Variants in RASEF observed in about 807,000 individuals in gnomAD.
RASEF encodes RAS and EF-hand domain containing.
In RASEF, 68 loss-of-function variants were observed where a neutral mutation model predicts 90.1. The observed-to-expected ratio is 0.75, with a 90% CI of 0.62 to 0.92. The LOEUF (loss-of-function observed/expected upper bound fraction) is 0.92, where lower values mean the gene tolerates loss of function less well. Among genes scored for constraint, RASEF ranks in the 40% least tolerant of loss-of-function variants. The pLI is 0.00. For missense variants in RASEF, 949 were observed against 937.2 expected (o/e 1.01, Z -0.16); for synonymous variants, 331 against 345.2 (o/e 0.96, Z 0.46).
At chr9:83,039,923 T>C (rs990955552) in intron 1 of RASEF, among the ~76,000 whole-genome samples, 1 of 152,156 alleles carries the variant, frequency 6.6e-6, no homozygotes, top group Non-Finnish European at 1.5e-5. Flanking sequence ...AATCTCATCT[T>C]AACTGTAGCT....
the RASEF span, among the ~76,000 whole-genome samples, chr9:83,149,664 A>C: frequency 6.6e-6 from 1 of 152,148 alleles, no homozygotes; most frequent in South Asian, 2.1e-4. Context: ...CCGAGCTTTA[A>C]AAAATCTCAA....
chr9:83,059,557 C>CA (rs1830169756), intron 1 of RASEF, among the ~76,000 whole-genome samples: 1 of 152,134 alleles, frequency 6.6e-6, no homozygotes. Context: ...ATGACCCAGG[C>CA]ATCAGAAACT....
the RASEF span, among the ~76,000 whole-genome samples, chr9:83,188,891 C>G: frequency 2.6e-5 from 4 of 152,188 alleles, no homozygotes; most frequent in Admixed American, 1.3e-4. Context: ...TGGTGTGGTA[C>G]TGTCCACAAA....
chr9:83,174,820 A>T, the RASEF span, among the ~76,000 whole-genome samples: 35,855 of 152,040 alleles, frequency 0.24, 4,866 homozygotes, highest in African/African-American at 0.38. Flanking sequence ...TGGTTGTAAC[A>T]GTCTACTTTG....
At chr9:83,045,920 C>A (rs1411503642) in intron 1 of RASEF, among the ~76,000 whole-genome samples, 1 of 152,084 alleles carries the variant, frequency 6.6e-6, no homozygotes, top group Non-Finnish European at 1.5e-5. Context: ...CACAGACTGT[C>A]CACCTGTGTT....
intron 9 of RASEF, 44 bp from the exon 10 acceptor site, chr9:83,001,174 G>T: frequency 7.0e-7 from 1 of 1,434,958 alleles, no homozygotes; most frequent in African/African-American, 1.4e-5. Flanking sequence ...GGCTGGAAAT[G>T]CTCAAGAACA....
In RASEF at chr9:83,062,977, C is replaced by A; in HGVS notation, c.-110G>T. On this transcript the variant is annotated 5_prime_UTR_variant, in exon 1 of 17. Transcript: ENST00000376447. ...GCCGGGAGGCCCGGCGAGTTTGGCT[C>A]GTCCGGCTGGTTCGGCCACTTGAGG... 8.3e-7 allele frequency: 1 copy of A among 1,211,734 alleles called. No homozygotes were observed. Among genetic ancestry groups the A allele is most frequent in the Non-Finnish European group, 1.1e-6 (1 of 930,860 alleles). The allele number at this position is 1,211,734 out of a possible 1,614,324, so 75.1% of individuals were successfully genotyped here. A position where few individuals can be genotyped will look rare whatever the true frequency, so the allele number is the denominator to read the frequency against.
intron 16 of RASEF, among the ~76,000 whole-genome samples, chr9:82,983,642 C>T (rs960748120): frequency 1.3e-5 from 2 of 152,348 alleles, no homozygotes; most frequent in Non-Finnish European, 2.9e-5. Flanking sequence ...TGATCCCCTA[C>T]CCTCTTGGTC....
chr9:83,178,036 C>A, the RASEF span, among the ~76,000 whole-genome samples: 26,231 of 152,060 alleles, frequency 0.17, 2,438 homozygotes, highest in Non-Finnish European at 0.21. Context: ...GGCACCTATA[C>A]TGATAATTTC....
At chr9:83,190,432 A>G in the RASEF span, among the ~76,000 whole-genome samples, 3 of 152,248 alleles carry the variant, frequency 2.0e-5, no homozygotes, top group Non-Finnish European at 4.4e-5. Flanking sequence ...CACAGAGACA[A>G]ACAAGAAAAC....
the RASEF span, among the ~76,000 whole-genome samples, chr9:83,206,388 A>T: frequency 2.6e-5 from 4 of 152,354 alleles, no homozygotes; most frequent in African/African-American, 9.6e-5. Flanking sequence ...ATTTCAGATG[A>T]CAGGCATAAA....
chr9:83,215,515 G>A, the RASEF span, among the ~76,000 whole-genome samples: 28 of 152,272 alleles, frequency 1.8e-4, no homozygotes, highest in Middle Eastern at 3.4e-3. Flanking sequence ...CCTTGTCAGG[G>A]GCAAGCCACA....
At chr9:83,014,308 T>A (rs2118521016) in intron 4 of RASEF, among the ~76,000 whole-genome samples, 1 of 152,224 alleles carries the variant, frequency 6.6e-6, no homozygotes, top group Non-Finnish European at 1.5e-5. Flanking sequence ...AATTGCCACT[T>A]AGTCTCATCA....
chr9:83,101,279 G>T, the RASEF span, among the ~76,000 whole-genome samples: 2 of 152,118 alleles, frequency 1.3e-5, no homozygotes, highest in Non-Finnish European at 2.9e-5. Context: ...AAATTTTCCA[G>T]GTTCCTGACT....
At chr9:83,018,441 A>T (rs1829383144) in intron 3 of RASEF, among the ~76,000 whole-genome samples, 1 of 152,110 alleles carries the variant, frequency 6.6e-6, no homozygotes, top group South Asian at 2.1e-4. Context: ...AACACAAAAC[A>T]TTGCTGAAAG....
At chr9:83,113,815 G>A in the RASEF span, among the ~76,000 whole-genome samples, 713 of 152,214 alleles carry the variant, frequency 4.7e-3, 5 homozygotes, top group African/African-American at 0.016. Context: ...AAGACAATAC[G>A]TGCACAGTGG....
At chr9:82,984,969 C>T (rs942405505) in intron 16 of RASEF, among the ~76,000 whole-genome samples, 2 of 152,124 alleles carry the variant, frequency 1.3e-5, no homozygotes, top group Non-Finnish European at 2.9e-5. Context: ...TTCATAGAGA[C>T]TTTTGACATT....
the RASEF span, among the ~76,000 whole-genome samples, chr9:83,126,695 C>T: frequency 6.6e-6 from 1 of 152,232 alleles, no homozygotes; most frequent in Admixed American, 6.5e-5. Flanking sequence ...TGGCAGCTTG[C>T]AACCTTCTGG....
At chr9:83,062,295 A>G (rs969059275) in intron 1 of RASEF, 142 bp downstream of exon 1, 6 of 797,554 alleles carry the variant, frequency 7.5e-6, no homozygotes, top group Non-Finnish European at 1.2e-5. Context: ...TGGAAAAGTC[A>G]AAGCGAGTAG....
Sources: gnomAD v4.1 joint callset for allele counts (sites outside exome capture counted in the v4.1 genomes callset) on GRCh38, gnomAD v4.1.1 for gene constraint, MANE v1.5 for transcripts, NCBI Gene and HGNC (gene_info 2026-07-23, HGNC 2026-07-21) for gene names.